Variants in APBB2 observed in about 807,000 individuals in gnomAD.
APBB2 encodes the protein amyloid beta precursor protein binding family B member 2, also known as Fe65-like 1.
Under a neutral mutation model 82.5 loss-of-function variants are expected in APBB2, and 38 were observed. That is an observed-to-expected ratio of 0.46 (90% CI 0.36 to 0.60). APBB2 has a LOEUF of 0.60. Among genes scored for constraint, APBB2 ranks in the 20% least tolerant of loss-of-function variants. The pLI, the probability that APBB2 is intolerant of heterozygous loss-of-function variation, is 0.00. For missense variants in APBB2, 772 were observed against 972.3 expected (o/e 0.79, Z 2.74); for synonymous variants, 341 against 368.2 (o/e 0.93, Z 0.85).
rs139083513 is a variant in APBB2, at chr4:41,167,180, C to T, written c.-416-24038G>A. 3.8e-3 allele frequency among the ~76,000 whole-genome samples: 577 copies of T among 152,312 alleles called. 4 individuals are homozygous for T. Among genetic ancestry groups the T allele is most frequent in the Middle Eastern group, 0.02 (6 of 294 alleles). On this transcript the variant is annotated intron_variant, in intron 1 of 17. Transcript: ENST00000508593. ...CAGGCAAGAGGTGGGGGCAGGCGCA[C>T]AGTTTCCAAGCCCTCCTGGAGCATG... is the stretch of plus-strand genomic sequence containing the variant.
intron 1 of APBB2, among the ~76,000 whole-genome samples, chr4:41,213,000 C>T (rs963262002): frequency 2.0e-5 from 3 of 151,932 alleles, no homozygotes; most frequent in African/African-American, 7.3e-5. Flanking sequence ...CCATCTGTTC[C>T]TAAAAGGCCA....
intron 3 of APBB2, among the ~76,000 whole-genome samples, chr4:41,066,457 T>TA: frequency 6.6e-6 from 1 of 152,264 alleles, no homozygotes; most frequent in Non-Finnish European, 1.5e-5. Flanking sequence ...TCTCTATCTC[T>TA]AAGGAAAGTG....
Position 40,935,115 on chromosome 4 carries a change from C to G in APBB2, c.1069G>C (p.Val357Leu). The change falls in exon 8 of 18, where the codon GTT becomes CTT. Residue 357 changes from valine (V) to leucine (L), a missense_variant. Val to Leu is a conservative substitution (Grantham distance 32, BLOSUM62 1). Transcript: ENST00000508593. The stretch of plus-strand genomic sequence containing the variant: ...CTATTAATCTTTCCCCCATTCAGAA[C>G]AGCAAAATCACTCCATGGCTGTTTC... ...NEKQPWSDFAVLNGGKINSDI... is the reference protein window; with the variant it reads ...NEKQPWSDFALLNGGKINSDI... The G allele has an allele frequency of 6.5e-7, 1 of 1,535,232 alleles. No homozygotes were observed. Among genetic ancestry groups the G allele is most frequent in the Non-Finnish European group, 8.7e-7 (1 of 1,145,568 alleles).
intron 2 of APBB2, among the ~76,000 whole-genome samples, chr4:41,120,712 G>A (rs922979137): frequency 4.6e-5 from 7 of 152,116 alleles, no homozygotes; most frequent in Non-Finnish European, 8.8e-5. Flanking sequence ...TTCACCATCC[G>A]TACAGCTTGG....
At chr4:41,162,537 C>G (rs1765443204) in intron 1 of APBB2, among the ~76,000 whole-genome samples, 1 of 152,300 alleles carries the variant, frequency 6.6e-6, no homozygotes. Context: ...CATAGACACA[C>G]ATACATGCTC....
At chr4:41,155,918 T>A (rs1763334203) in intron 1 of APBB2, among the ~76,000 whole-genome samples, 1 of 152,184 alleles carries the variant, frequency 6.6e-6, no homozygotes, top group Non-Finnish European at 1.5e-5. Flanking sequence ...GAAATCATAA[T>A]GAATTTGGTC....
intron 4 of APBB2, among the ~76,000 whole-genome samples, chr4:41,037,465 A>C (rs902296750): frequency 5.3e-5 from 8 of 152,162 alleles, no homozygotes; most frequent in African/African-American, 1.9e-4. Context: ...TTCCAGGGTT[A>C]GATAATTATA....
intron 10 of APBB2, among the ~76,000 whole-genome samples, chr4:40,912,912 G>C (rs959832492): frequency 2.0e-5 from 3 of 152,122 alleles, no homozygotes; most frequent in Non-Finnish European, 2.9e-5. Context: ...AAGTGTGAGT[G>C]GTATTTTAGT....
At chr4:41,034,620 T>C (rs1718425354) in intron 4 of APBB2, among the ~76,000 whole-genome samples, 1 of 152,176 alleles carries the variant, frequency 6.6e-6, no homozygotes, top group Non-Finnish European at 1.5e-5. Flanking sequence ...TCACGACACC[T>C]GGCCAAAAAG....
intron 3 of APBB2, among the ~76,000 whole-genome samples, chr4:41,075,456 G>A (rs1175476433): frequency 6.6e-6 from 1 of 152,194 alleles, no homozygotes; most frequent in South Asian, 2.1e-4. Context: ...CATTTTGTAA[G>A]AGATACTCTG....
chr4:40,927,111 T>A (rs1329566445), intron 10 of APBB2, among the ~76,000 whole-genome samples: 1 of 152,204 alleles, frequency 6.6e-6, no homozygotes, highest in Non-Finnish European at 1.5e-5. Context: ...CTGAAATGAC[T>A]TCTAATTTGA....
chr4:41,203,030 A>G (rs1480534584), intron 1 of APBB2, among the ~76,000 whole-genome samples: 1 of 152,200 alleles, frequency 6.6e-6, no homozygotes, highest in African/African-American at 2.4e-5. Flanking sequence ...CTTTACAGGA[A>G]ATAAAGATAA....
At chr4:40,889,766 T>G (rs913121022) in intron 12 of APBB2, among the ~76,000 whole-genome samples, 4 of 152,208 alleles carry the variant, frequency 2.6e-5, no homozygotes, top group African/African-American at 9.6e-5. Context: ...CTAAGATGCA[T>G]TTCTTATAAA....
At chr4:40,894,809 CCAGTG>C (rs1773194188) in intron 10 of APBB2, among the ~76,000 whole-genome samples, 2 of 152,102 alleles carry the variant, frequency 1.3e-5, no homozygotes, top group South Asian at 4.1e-4. Flanking sequence ...AAAAAACTTC[CCAGTG>C]CAGGTAAGGG....
At chr4:40,836,153 C>T (rs1049447896) in intron 12 of APBB2, among the ~76,000 whole-genome samples, 3 of 152,002 alleles carry the variant, frequency 2.0e-5, no homozygotes, top group East Asian at 1.9e-4. Flanking sequence ...TGGGTGAAGT[C>T]GGGGGAGCAG....
At chr4:41,025,952 A>AG (rs946206681) in intron 5 of APBB2, among the ~76,000 whole-genome samples, 2 of 151,372 alleles carry the variant, frequency 1.3e-5, no homozygotes, top group African/African-American at 4.9e-5. Context: ...CACAAAAAAA[A>AG]AAAAAAAAAA....
At chr4:40,982,448 A>G (rs1028256830) in intron 6 of APBB2, among the ~76,000 whole-genome samples, 9 of 131,172 alleles carry the variant, frequency 6.9e-5, no homozygotes, top group African/African-American at 2.3e-4. Flanking sequence ...AAAGAAAGAA[A>G]GAAAGAATGA....
intron 4 of APBB2, among the ~76,000 whole-genome samples, chr4:41,039,556 A>G (rs554339214): frequency 7.2e-5 from 11 of 152,326 alleles, no homozygotes; most frequent in African/African-American, 2.6e-4. Flanking sequence ...CATCTTAAGC[A>G]TTCAATAAGT....
chr4:40,892,102 C>G (rs536541644), intron 11 of APBB2, among the ~76,000 whole-genome samples: 1 of 152,044 alleles, frequency 6.6e-6, no homozygotes, highest in African/African-American at 2.4e-5. Context: ...AGGTGCGTGC[C>G]ATCATACCCA....
Sources: gnomAD v4.1 joint callset for allele counts (sites outside exome capture counted in the v4.1 genomes callset) on GRCh38, gnomAD v4.1.1 for gene constraint, MANE v1.5 for transcripts, NCBI Gene and HGNC (gene_info 2026-07-23, HGNC 2026-07-21) for gene names.